The following POMP variants were observed in gnomAD, a reference collection of about 807,000 sequenced individuals.
The protein encoded by POMP is proteasome maturation protein, also known as 2510048O06Rik.
A neutral mutation model predicts 20.6 loss-of-function variants in POMP; 12 were observed. The ratio of observed to expected loss-of-function variants is 0.58; its 90% CI spans 0.37 to 0.94. The LOEUF (loss-of-function observed/expected upper bound fraction) is 0.94. POMP is among the 40% of genes least tolerant of loss of function. POMP has a pLI of 0.01. For synonymous variants in POMP, 53 were observed against 55.0 expected (o/e 0.96, Z 0.16); for missense variants, 136 against 161.1 (o/e 0.84, Z 0.84).
intron 1 of POMP, among the ~76,000 whole-genome samples, chr13:28,660,952 G>C (rs1465018204): frequency 6.6e-6 from 1 of 152,160 alleles, no homozygotes; most frequent in Non-Finnish European, 1.5e-5. Flanking sequence ...TGTGTGATAG[G>C]CTGGGCTGGA....
chr13:28,659,286 G>A, intron 1 of POMP, 99 bp downstream of exon 1: 1 of 1,529,394 alleles, frequency 6.5e-7, no homozygotes, highest in African/African-American at 1.4e-5. Context: ...GGTGGCGGCG[G>A]CGGCGGCAGC....
rs1884529627 is a variant in POMP, at chr13:28,670,584, G to T, written c.265-1755G>T. 3.3e-5 allele frequency among the ~76,000 whole-genome samples: 5 copies of T among 152,140 alleles called. No individual in the cohort carries two copies. The South Asian group carries it at 1.0e-3, about 32-fold the overall frequency. ...AAATAAAAATAAAACCCAACACTTAGTGTGGCTCTGTCCATGAATTGGCTC... is the reference window on the plus strand; with the variant it reads ...AAATAAAAATAAAACCCAACACTTATTGTGGCTCTGTCCATGAATTGGCTC... On this transcript the variant is annotated intron_variant, in intron 4 of 5. Coordinates refer to ENST00000380842, the MANE Select transcript of POMP (RefSeq NM_015932.6).
chr13:28,675,140 T>C (rs1433174397), intron 5 of POMP, among the ~76,000 whole-genome samples: 1 of 146,480 alleles, frequency 6.8e-6, no homozygotes, highest in Non-Finnish European at 1.5e-5. Flanking sequence ...CCTGTTTAGG[T>C]AGATTTTTTT....
intron 4 of POMP, 116 bp from the exon 5 acceptor site, chr13:28,672,223 G>T: frequency 1.2e-6 from 1 of 801,756 alleles, no homozygotes. Context: ...AATTGATCTT[G>T]TATTTGGTTT....
At chr13:28,665,855 G>T (rs941126623) in intron 3 of POMP, among the ~76,000 whole-genome samples, 1 of 152,166 alleles carries the variant, frequency 6.6e-6, no homozygotes, top group Non-Finnish European at 1.5e-5. Flanking sequence ...AGTAGTGTAG[G>T]GTAAAGTATA....
chr13:28,665,977 A>C (rs142325558), intron 3 of POMP, among the ~76,000 whole-genome samples: 1 of 152,334 alleles, frequency 6.6e-6, no homozygotes, highest in Non-Finnish European at 1.5e-5. Context: ...TCAGGTGGAC[A>C]CATAGGAAGG....
intron 3 of POMP, among the ~76,000 whole-genome samples, chr13:28,667,013 A>C (rs1236642808): frequency 6.6e-6 from 1 of 152,200 alleles, no homozygotes; most frequent in Non-Finnish European, 1.5e-5. Flanking sequence ...ATCTGGCCCA[A>C]GAAATCAGTA....
chr13:28,672,789 A>C (rs528126799), intron 5 of POMP, among the ~76,000 whole-genome samples: 1 of 152,306 alleles, frequency 6.6e-6, no homozygotes, highest in East Asian at 1.9e-4. Context: ...AAGAGTACAT[A>C]GTCATTTCAG....
intron 2 of POMP, among the ~76,000 whole-genome samples, chr13:28,663,472 G>A (rs1035985495): frequency 2.6e-5 from 4 of 152,008 alleles, no homozygotes; most frequent in African/African-American, 9.7e-5. Flanking sequence ...CACCATGCCC[G>A]GCTAATTTTG....
chr13:28,674,119 A>G (rs1884592711), intron 5 of POMP, among the ~76,000 whole-genome samples: 1 of 152,228 alleles, frequency 6.6e-6, no homozygotes, highest in Non-Finnish European at 1.5e-5. Flanking sequence ...ACAGCTGAAG[A>G]ACTCTGAACG....
chr13:28,664,331 CTA>C (rs1386072522), intron 2 of POMP, among the ~76,000 whole-genome samples, 176 bp from the exon 3 acceptor site: 1 of 151,684 alleles, frequency 6.6e-6, no homozygotes, highest in Non-Finnish European at 1.5e-5. Context: ...GTGTGTAGGT[CTA>C]TGAATTTTTA....
At chr13:28,675,994 C>T (rs914498394) in intron 5 of POMP, among the ~76,000 whole-genome samples, 31 of 152,110 alleles carry the variant, frequency 2.0e-4, no homozygotes, top group African/African-American at 7.5e-4. Context: ...CCTACAGGGC[C>T]ACCTTCCGCA....
chr13:28,662,297 T>C (rs1197708999), intron 1 of POMP, 113 bp from the exon 2 acceptor site: 2 of 721,038 alleles, frequency 2.8e-6, no homozygotes, highest in Admixed American at 2.4e-5. Context: ...TCTGGACTTT[T>C]TGAGGGCCTC....
At chr13:28,662,768 A>G (rs562422765) in intron 2 of POMP, among the ~76,000 whole-genome samples, 2 of 152,164 alleles carry the variant, frequency 1.3e-5, no homozygotes, top group East Asian at 3.9e-4. Context: ...CTTTTTATTT[A>G]TTTTTTTGCT....
intron 5 of POMP, among the ~76,000 whole-genome samples, chr13:28,677,263 A>C (rs570121911): frequency 6.6e-6 from 1 of 151,940 alleles, no homozygotes; most frequent in South Asian, 2.1e-4. Flanking sequence ...ATTAATCTCC[A>C]GTCTCTTAGG....
intron 4 of POMP, among the ~76,000 whole-genome samples, chr13:28,669,102 T>C (rs1884497036): frequency 6.6e-6 from 1 of 152,036 alleles, no homozygotes; most frequent in Admixed American, 6.6e-5. Context: ...CGCTGTTGTC[T>C]TTTAAAACAA....
Position 28,664,518 on chromosome 13 carries a change from T to C in POMP, c.111T>C (p.Cys37=), listed in dbSNP as rs749915228. Residue 37 remains cysteine (C), a synonymous_variant, in exon 3 of 6, where the codon TGT becomes TGC. Transcript: ENST00000380842. Reference sequence around the variant, plus strand: ...TTTAATGTCCTTTCAGTTTTTCTTGTGTGAAAAATGAACTTTTGCCTAGTC... The same window carrying C: ...TTTAATGTCCTTTCAGTTTTTCTTGCGTGAAAAATGAACTTTTGCCTAGTC... ...SHDLLRKGFS[C]VKNELLPSHP... is the part of the protein sequence containing the mutation. 6.3e-7 allele frequency: 1 copy of C among 1,580,688 alleles called. No homozygotes were observed. Among genetic ancestry groups the C allele is most frequent in the Admixed American group, 1.7e-5 (1 of 59,752 alleles).
chr13:28,678,329 C>T lies in POMP; in HGVS notation c.*227C>T. On this transcript the variant is annotated 3_prime_UTR_variant, in exon 6 of 6. Coordinates refer to ENST00000380842, the MANE Select transcript of POMP (RefSeq NM_015932.6). ...TCTTAATTTATATTAAAACAGTAGC[C>T]TTTGTCTTTAAAAAAGTTGTTGCTC... 6.0e-6 allele frequency: 3 copies of T among 498,472 alleles called. No homozygotes were observed. Among genetic ancestry groups the T allele is most frequent in the Non-Finnish European group, 1.1e-5 (3 of 278,398 alleles). 30.9% of individuals were successfully genotyped at this position (498,472 alleles called of 1,614,324 possible).
intron 1 of POMP, chr13:28,659,852 C>T (rs968794113): frequency 6.6e-6 from 1 of 152,490 alleles, no homozygotes; most frequent in Admixed American, 6.5e-5. Flanking sequence ...ACTGAGTCAC[C>T]ATTGCCACAG....
Sources: allele counts gnomAD v4.1 joint callset (sites outside exome capture counted in the v4.1 genomes callset), GRCh38; gene constraint gnomAD v4.1.1; transcripts MANE v1.5; gene names NCBI Gene and HGNC (gene_info 2026-07-23, HGNC 2026-07-21).